EYS: variants seen among roughly 807,000 people sequenced by gnomAD.
EYS encodes EGF-like photoreceptor maintenance factor, also known as protein eyes shut homolog.
In EYS, 250 loss-of-function variants were observed where a neutral mutation model predicts 282.1. The observed-to-expected ratio is 0.89, with a 90% CI of 0.80 to 0.98. EYS has a LOEUF of 0.98. EYS is among the 50% of genes least tolerant of loss of function. The pLI, the probability that EYS is intolerant of heterozygous loss-of-function variation, is 0.00. For synonymous variants in EYS, 1,355 were observed against 1,282.9 expected (o/e 1.06, Z -1.20); for missense variants, 4,016 against 3,709.0 (o/e 1.08, Z -2.15).
chr6:65,571,346 T>A (rs1275025129), intron 2 of EYS, among the ~76,000 whole-genome samples: 1 of 152,160 alleles, frequency 6.6e-6, no homozygotes, highest in African/African-American at 2.4e-5. Flanking sequence ...AGAATAAAAG[T>A]TGATAGGCAG....
At chr6:65,043,800 T>C (rs1475320907) in intron 13 of EYS, among the ~76,000 whole-genome samples, 1 of 151,796 alleles carries the variant, frequency 6.6e-6, no homozygotes, top group East Asian at 1.9e-4. Flanking sequence ...GACACTTAGG[T>C]TGATTCCATC....
chr6:65,689,785 A>G (rs1769174349), intron 1 of EYS, among the ~76,000 whole-genome samples: 1 of 149,614 alleles, frequency 6.7e-6, no homozygotes, highest in Non-Finnish European at 1.5e-5. Flanking sequence ...GGTTTGCTGC[A>G]CCCCTCAACC....
intron 20 of EYS, among the ~76,000 whole-genome samples, chr6:64,822,174 T>G (rs1280515100): frequency 6.6e-6 from 1 of 152,032 alleles, no homozygotes; most frequent in African/African-American, 2.4e-5. Context: ...ATACCTTCAC[T>G]CTAGATGTGT....
At chr6:63,904,782 A>C (rs1239666656) in intron 35 of EYS, among the ~76,000 whole-genome samples, 1 of 152,210 alleles carries the variant, frequency 6.6e-6, no homozygotes, top group Non-Finnish European at 1.5e-5. Flanking sequence ...TTTTTCTTAG[A>C]AGCCTCTCCA....
intron 35 of EYS, among the ~76,000 whole-genome samples, chr6:63,965,281 C>T (rs1046359299): frequency 6.6e-6 from 1 of 152,164 alleles, no homozygotes. Flanking sequence ...GCCATGAAGG[C>T]AGATATTCTG....
intron 26 of EYS, among the ~76,000 whole-genome samples, chr6:64,452,804 A>G (rs1422551929): frequency 6.6e-6 from 1 of 152,224 alleles, no homozygotes; most frequent in Non-Finnish European, 1.5e-5. Context: ...CTGGCTAGCC[A>G]TATGTAGAAA....
chr6:65,685,343 G>A (rs1266999688), intron 1 of EYS, among the ~76,000 whole-genome samples: 1 of 151,990 alleles, frequency 6.6e-6, no homozygotes, highest in South Asian at 2.1e-4. Context: ...CAAGAATCAA[G>A]TCTGTGCTGG....
At chr6:64,138,018 A>C (rs1774219972) in intron 31 of EYS, among the ~76,000 whole-genome samples, 1 of 152,216 alleles carries the variant, frequency 6.6e-6, no homozygotes, top group Non-Finnish European at 1.5e-5. Flanking sequence ...CAATCGAGAG[A>C]ATAGTGACTT....
intron 12 of EYS, among the ~76,000 whole-genome samples, chr6:65,147,596 T>G (rs555743356): frequency 6.6e-6 from 1 of 152,238 alleles, no homozygotes; most frequent in East Asian, 1.9e-4. Context: ...TTGATATTAA[T>G]GTTGTCACTC....
chr6:64,271,418 C>T (rs918460665), intron 30 of EYS, among the ~76,000 whole-genome samples: 1 of 151,926 alleles, frequency 6.6e-6, no homozygotes, highest in African/African-American at 2.4e-5. Flanking sequence ...GCTTGTTTTT[C>T]AATATGCTTT....
chr6:63,895,501 C>T (rs1409890245), intron 35 of EYS, among the ~76,000 whole-genome samples: 1 of 152,146 alleles, frequency 6.6e-6, no homozygotes, highest in East Asian at 1.9e-4. Flanking sequence ...AACTTTAGAT[C>T]ATAAGTGGTC....
intron 41 of EYS, among the ~76,000 whole-genome samples, chr6:63,756,889 A>C (rs1269652375): frequency 6.6e-6 from 1 of 152,120 alleles, no homozygotes; most frequent in East Asian, 1.9e-4. Context: ...CCTGTCTTTA[A>C]TCTCTTAATC....
chr6:65,454,968 G>C, intron 5 of EYS, among the ~76,000 whole-genome samples: 1 of 151,988 alleles, frequency 6.6e-6, no homozygotes, highest in East Asian at 1.9e-4. Flanking sequence ...TATTTGCTTA[G>C]GGTTGCTTTG....
intron 5 of EYS, among the ~76,000 whole-genome samples, chr6:65,447,514 G>A (rs1199901113): frequency 2.0e-5 from 3 of 151,238 alleles, no homozygotes; most frequent in Non-Finnish European, 4.4e-5. Context: ...ATTGTAACAT[G>A]TATTTCTATG....
intron 36 of EYS, among the ~76,000 whole-genome samples, chr6:63,818,180 C>G (rs1771230978): frequency 6.6e-6 from 1 of 152,082 alleles, no homozygotes; most frequent in Non-Finnish European, 1.5e-5. Flanking sequence ...ATTTAAATAG[C>G]AAAATCTAGC....
intron 19 of EYS, among the ~76,000 whole-genome samples, chr6:64,828,908 T>G (rs745411752): frequency 9.2e-5 from 14 of 151,950 alleles, no homozygotes; most frequent in Non-Finnish European, 1.3e-4. Context: ...AAACTGGAAA[T>G]GGATTGCTGC....
intron 41 of EYS, among the ~76,000 whole-genome samples, chr6:63,727,834 G>T (rs1348808771): frequency 2.9e-5 from 4 of 140,068 alleles, no homozygotes; most frequent in Non-Finnish European, 4.6e-5. Context: ...CTTGGGAGGT[G>T]GAGGTGGGGG....
At chr6:65,150,861 G>T (rs937183198) in intron 12 of EYS, among the ~76,000 whole-genome samples, 3 of 151,574 alleles carry the variant, frequency 2.0e-5, no homozygotes, top group African/African-American at 7.3e-5. Flanking sequence ...CTATCTATTT[G>T]CTCCCTTGGG....
intron 26 of EYS, among the ~76,000 whole-genome samples, chr6:64,500,089 T>TA (rs759799193): frequency 4.9e-4 from 74 of 152,116 alleles, no homozygotes; most frequent in Non-Finnish European, 9.3e-4. Context: ...AATAAAATGA[T>TA]AAAAAATAAG....
Sources: gnomAD v4.1 joint callset for allele counts (sites outside exome capture counted in the v4.1 genomes callset) on GRCh38, gnomAD v4.1.1 for gene constraint, MANE v1.5 for transcripts, NCBI Gene and HGNC (gene_info 2026-07-23, HGNC 2026-07-21) for gene names.